TRPC7: variants seen among roughly 807,000 people sequenced by gnomAD.
The protein encoded by TRPC7 is short transient receptor potential channel 7.
A neutral mutation model predicts 90.1 loss-of-function variants in TRPC7; 42 were observed. The ratio of observed to expected loss-of-function variants is 0.47; its 90% CI spans 0.36 to 0.60. The LOEUF is 0.60. TRPC7 is among the 20% of genes least tolerant of loss of function. The pLI, the probability that TRPC7 is intolerant of heterozygous loss-of-function variation, is 0.00. For missense variants in TRPC7, 955 were observed against 1,112.3 expected, an observed-to-expected ratio of 0.86 and a Z score of 2.01; for synonymous variants, 451 against 436.3, an observed-to-expected ratio of 1.03 and a Z score of -0.42.
intron 3 of TRPC7, among the ~76,000 whole-genome samples, chr5:136,308,176 G>A (rs975843585): frequency 3.3e-5 from 5 of 152,166 alleles, no homozygotes; most frequent in Non-Finnish European, 4.4e-5. Flanking sequence ...CTTTCTCTTC[G>A]GAAGATTTGC....
chr5:136,348,299 A>G (rs1760074825), intron 2 of TRPC7, among the ~76,000 whole-genome samples: 1 of 152,224 alleles, frequency 6.6e-6, no homozygotes, highest in Admixed American at 6.5e-5. Context: ...CAGTAGATCC[A>G]GACCATGTTA....
chr5:136,365,321 G>T lies in TRPC7; in HGVS notation c.-67C>A. The T allele has an allele frequency of 4.6e-6, 7 of 1,518,584 alleles. No homozygotes were observed. The highest frequency in any genetic ancestry group is 6.2e-6 in the Non-Finnish European group (7 of 1,130,014). 94.1% of individuals were successfully genotyped at this position (1,518,584 alleles called of 1,614,324 possible). ...GGAATCCGGTGTTGAGTCGCCAGAA[G>T]CTGGCTCCCCATGGGTGGTAGCCAA... On this transcript the variant is annotated 5_prime_UTR_variant, in exon 1 of 12. Transcript: ENST00000513104.
chr5:136,338,203 GAGATCAT>G (rs1327921329), intron 2 of TRPC7, among the ~76,000 whole-genome samples: 2 of 152,184 alleles, frequency 1.3e-5, no homozygotes, highest in Non-Finnish European at 2.9e-5. Flanking sequence ...GGGAGATGGA[GAGATCAT>G]AGTAACGTAA....
At chr5:136,248,759 C>A (rs1034177260) in intron 6 of TRPC7, among the ~76,000 whole-genome samples, 2 of 152,224 alleles carry the variant, frequency 1.3e-5, no homozygotes, top group Non-Finnish European at 1.5e-5. Context: ...AGCAAACCTG[C>A]AAAGTGTTCC....
intron 2 of TRPC7, among the ~76,000 whole-genome samples, chr5:136,352,246 TC>T (rs1488678211): frequency 6.6e-6 from 1 of 152,176 alleles, no homozygotes; most frequent in African/African-American, 2.4e-5. Flanking sequence ...TAAACCTCAC[TC>T]TACAATATTC....
At position 136,213,082 on chromosome 5, in the gene TRPC7, C is replaced by A. The variant is rs1053183541; in HGVS notation, c.*353G>T. ...CCCAGGACACAGCCAGAGCTGCAGTCCCACCTGCAGTGGGAGGGCACAGGT... is the reference window on the plus strand; with the variant it reads ...CCCAGGACACAGCCAGAGCTGCAGTACCACCTGCAGTGGGAGGGCACAGGT... On this transcript the variant is annotated 3_prime_UTR_variant, in exon 12 of 12. Coordinates refer to ENST00000513104, the MANE Select transcript of TRPC7 (RefSeq NM_020389.3). 1.3e-5 allele frequency among the ~76,000 whole-genome samples: 2 copies of A among 152,104 alleles called. No homozygotes were observed. The highest frequency in any genetic ancestry group is 2.4e-5 in the African/African-American group (1 of 41,434).
intron 3 of TRPC7, among the ~76,000 whole-genome samples, chr5:136,311,092 G>A (rs1164366067): frequency 6.6e-6 from 1 of 152,108 alleles, no homozygotes; most frequent in East Asian, 1.9e-4. Flanking sequence ...TATAGGTAGA[G>A]TTAAGGCCTC....
chr5:136,226,433 A>T, intron 8 of TRPC7, 178 bp from the exon 9 acceptor site: 6 of 600,294 alleles, frequency 1.0e-5, no homozygotes. Flanking sequence ...AAAACCATGC[A>T]CAATGGTCAC....
chr5:136,347,716 A>T (rs1204414341), intron 2 of TRPC7, among the ~76,000 whole-genome samples: 1 of 152,168 alleles, frequency 6.6e-6, no homozygotes, highest in Non-Finnish European at 1.5e-5. Context: ...ATCAAGGTGA[A>T]AAATTGGAAT....
At chr5:136,285,613 A>G (rs1032442919) in intron 3 of TRPC7, among the ~76,000 whole-genome samples, 10 of 152,168 alleles carry the variant, frequency 6.6e-5, no homozygotes, top group African/African-American at 9.7e-5. Context: ...TCTAGCCACT[A>G]TAAGTCAAAC....
At chr5:136,336,631 A>G (rs1027750662) in intron 2 of TRPC7, among the ~76,000 whole-genome samples, 13 of 151,902 alleles carry the variant, frequency 8.6e-5, no homozygotes, top group African/African-American at 3.1e-4. Flanking sequence ...TTTATATTAG[A>G]TATTTCTCCT....
At chr5:136,257,803 T>G (rs1309862775) in intron 5 of TRPC7, among the ~76,000 whole-genome samples, 1 of 152,174 alleles carries the variant, frequency 6.6e-6, no homozygotes, top group African/African-American at 2.4e-5. Context: ...AATAAATTTT[T>G]TAATGGATAG....
intron 8 of TRPC7, 82 bp downstream of exon 8, chr5:136,231,272 C>T (rs1755803843): frequency 8.0e-7 from 1 of 1,253,296 alleles, no homozygotes; most frequent in East Asian, 2.5e-5. Context: ...ACATGGGCTT[C>T]TAACATCATT....
Position 136,266,346 on chromosome 5 carries a change from A to G in TRPC7, c.1219T>C (p.Ser407Pro), listed in dbSNP as rs1278067256. Reference sequence around the variant, plus strand: ...GTTTTAACACCTTCAAATCGGTCAGATGCATTCACAACTAATAATCCCAAG... The same window carrying G: ...GTTTTAACACCTTCAAATCGGTCAGGTGCATTCACAACTAATAATCCCAAG... The part of the protein sequence containing the change: ...IFLGLLVVNA[S>P]DRFEGVKTLP... Residue 407 changes from serine to proline, a missense_variant, in exon 5 of 12, where the codon TCT becomes CCT. Ser to Pro is a moderately conservative substitution (Grantham distance 74, BLOSUM62 -1). Coordinates refer to ENST00000513104, the MANE Select transcript of TRPC7 (RefSeq NM_020389.3). 3 of 1,613,816 alleles carry G rather than the reference A, an allele frequency of 1.9e-6. No individual in the cohort carries two copies. The highest frequency in any genetic ancestry group is 4.5e-5 in the East Asian group (2 of 44,886).
chr5:136,347,273 C>T (rs780515055), intron 2 of TRPC7, among the ~76,000 whole-genome samples: 2 of 152,154 alleles, frequency 1.3e-5, no homozygotes, highest in Non-Finnish European at 2.9e-5. Flanking sequence ...ACCACCCATA[C>T]TCAATTGAGT....
At chr5:136,317,003 G>A (rs1759044817) in intron 2 of TRPC7, among the ~76,000 whole-genome samples, 1 of 152,176 alleles carries the variant, frequency 6.6e-6, no homozygotes, top group South Asian at 2.1e-4. Context: ...TCTCCTTCCA[G>A]GGTTGCTGTA....
intron 9 of TRPC7, among the ~76,000 whole-genome samples, chr5:136,225,634 C>G (rs1288188537): frequency 6.6e-6 from 1 of 151,982 alleles, no homozygotes; most frequent in Non-Finnish European, 1.5e-5. Flanking sequence ...TTTTAACATA[C>G]TAATAAACAC....
chr5:136,238,021 C>T lies in TRPC7; in HGVS notation c.1845-6472G>A, dbSNP rs1351625902. 5.3e-5 allele frequency among the ~76,000 whole-genome samples: 8 copies of T among 152,282 alleles called. No homozygotes were observed. The East Asian group carries it at 1.6e-3, about 30-fold the overall frequency. On this transcript the variant is annotated intron_variant, in intron 7 of 11. Coordinates refer to ENST00000513104, the MANE Select transcript of TRPC7 (RefSeq NM_020389.3). ...CTCCTGGAGCCCGAGGCTGGCTCTC[C>T]CTTCACTCATTGCACTCTGCCTGGG... is the stretch of plus-strand genomic sequence containing the variant.
intron 6 of TRPC7, among the ~76,000 whole-genome samples, chr5:136,249,567 C>T (rs1239680375): frequency 5.3e-5 from 8 of 152,208 alleles, no homozygotes; most frequent in African/African-American, 1.9e-4. Context: ...AGCTCACCAT[C>T]TTAAACCTCA....
Sources: allele counts gnomAD v4.1 joint callset (sites outside exome capture counted in the v4.1 genomes callset), GRCh38; gene constraint gnomAD v4.1.1; transcripts MANE v1.5; gene names NCBI Gene and HGNC (gene_info 2026-07-23, HGNC 2026-07-21).